The following PCDHGA5 variants were observed in gnomAD, a reference collection of about 807,000 sequenced individuals.
The protein encoded by PCDHGA5 is protocadherin gamma-A5.
PCDHGA5 carries 36 observed loss-of-function variants against 56.7 expected under a neutral mutation model. That is an observed-to-expected ratio of 0.64 (90% confidence interval 0.49 to 0.84). PCDHGA5 has a LOEUF of 0.84. PCDHGA5 is among the 40% of genes least tolerant of loss of function. PCDHGA5 has a pLI of 0.00. For synonymous variants in PCDHGA5, 563 were observed against 520.2 expected (o/e 1.08, Z -1.12); for missense variants, 1,305 against 1,201.5 (o/e 1.09, Z -1.27).
intron 1 of PCDHGA5, among the ~76,000 whole-genome samples, chr5:141,460,117 T>G (rs1454761302): frequency 6.6e-6 from 1 of 151,982 alleles, no homozygotes; most frequent in Non-Finnish European, 1.5e-5. Context: ...ATGATTTTTA[T>G]ATATGTAATA....
intron 1 of PCDHGA5, chr5:141,413,247 CGGGATTCCAT>C: frequency 6.2e-7 from 1 of 1,613,940 alleles, no homozygotes; most frequent in South Asian, 1.1e-5. Flanking sequence ...GCCTTTTCTT[CGGGATTCCAT>C]GGGAGGCTGG....
At position 141,491,422 on chromosome 5, in the gene PCDHGA5, G is replaced by T. The variant is rs1413549196; in HGVS notation, c.2422-3385G>T. 1 of 1,614,112 alleles carries T rather than the reference G, an allele frequency of 6.2e-7. No homozygotes were observed. The stretch of plus-strand genomic sequence containing the variant: ...AAACGCAGACGGGGACGGGGGTGGA[G>T]GGCAGTGCTGCAGGCGCCAGGACTC... On this transcript the variant is annotated intron_variant, in intron 1 of 3. Coordinates refer to ENST00000518069, the MANE Select transcript of PCDHGA5 (RefSeq NM_018918.3). The surrounding 1 kb of genome is among the most constrained non-coding windows in gnomAD (Gnocchi z 6.9).
intron 1 of PCDHGA5, chr5:141,394,966 G>C (rs758463890): frequency 1.9e-6 from 3 of 1,613,768 alleles, no homozygotes; most frequent in Admixed American, 3.3e-5. Context: ...AGGCTGAGGC[G>C]CTGGCACAAG....
intron 1 of PCDHGA5, among the ~76,000 whole-genome samples, chr5:141,482,875 C>T (rs2099573976): frequency 6.6e-6 from 1 of 151,958 alleles, no homozygotes; most frequent in African/African-American, 2.4e-5. Context: ...AGTTTGAAAC[C>T]AGCCTGGCCA....
rs766431596 is a variant in PCDHGA5 at position 141,422,883 on chromosome 5, C to T, written c.2421+56132C>T. The T allele has an allele frequency of 3.7e-6, 6 of 1,614,124 alleles. No homozygotes were observed. The African/African-American group carries it at 4.0e-5, about 11-fold the overall frequency. Reference sequence around the variant, plus strand: ...GCAGCAACGTGTCGCTGAGCCTGTTCGTGCTGGACCAGAACGACAATGCGC... The same window carrying T: ...GCAGCAACGTGTCGCTGAGCCTGTTTGTGCTGGACCAGAACGACAATGCGC... On this transcript the variant is annotated intron_variant, in intron 1 of 3. Transcript: ENST00000518069.
intron 1 of PCDHGA5, among the ~76,000 whole-genome samples, chr5:141,482,782 G>T (rs775083331): frequency 1.6e-4 from 25 of 152,154 alleles, no homozygotes; most frequent in Non-Finnish European, 3.2e-4. Context: ...ACCTTAAACT[G>T]TGTGTGTGGC....
intron 1 of PCDHGA5, chr5:141,430,556 C>A (rs1479639096): frequency 9.7e-6 from 4 of 413,394 alleles, no homozygotes; most frequent in African/African-American, 2.1e-5. Flanking sequence ...GTTCACCAAT[C>A]GGGGAGAGAA....
intron 1 of PCDHGA5, among the ~76,000 whole-genome samples, chr5:141,466,670 G>A (rs994949602): frequency 9.2e-5 from 14 of 152,046 alleles, no homozygotes; most frequent in African/African-American, 2.2e-4. Flanking sequence ...TGATTTCACC[G>A]TTCTTCCACT....
chr5:141,459,573 T>TTC (rs2098970689), intron 1 of PCDHGA5, among the ~76,000 whole-genome samples: 1 of 152,208 alleles, frequency 6.6e-6, no homozygotes, highest in Non-Finnish European at 1.5e-5. Context: ...CAAAACAGAA[T>TTC]TGTTTTGGGG....
chr5:141,494,712 C>T, intron 1 of PCDHGA5, 95 bp from the exon 2 acceptor site: 1 of 1,603,048 alleles, frequency 6.2e-7, no homozygotes, highest in Non-Finnish European at 8.5e-7. Context: ...TCTGTGCCCA[C>T]TCCCCTCCTT....
chr5:141,382,128 C>T (rs1777984217), intron 1 of PCDHGA5, among the ~76,000 whole-genome samples: 3 of 152,026 alleles, frequency 2.0e-5, no homozygotes. Context: ...GCACCTGGCC[C>T]CCCCTCTCAT....
At chr5:141,395,633 G>T (rs1448678453) in intron 1 of PCDHGA5, 1 of 179,296 alleles carries the variant, frequency 5.6e-6, no homozygotes, top group African/African-American at 2.4e-5. Context: ...GAAGTCTAAA[G>T]CCTTGTTATT....
rs751563833 is a variant in PCDHGA5 at position 141,421,382 on chromosome 5, A to T, written c.2421+54631A>T. 5.6e-6 allele frequency: 9 copies of T among 1,613,906 alleles called. No homozygotes were observed. The South Asian group carries it at 8.8e-5, about 16-fold the overall frequency. ...TCCTTCGTGGGCAATATCTCCAAGG[A>T]CCTGGGGCTGGAGCCCCGGGAGCTG... On this transcript the variant is annotated intron_variant, in intron 1 of 3. Transcript: ENST00000518069.
In PCDHGA5 at chr5:141,391,891, A is replaced by C. The variant is rs140956361; in HGVS notation, c.2421+25140A>C. 7.1e-4 allele frequency: 108 copies of C among 152,338 alleles called. No individual in the cohort carries two copies. In the East Asian group the frequency reaches 0.015, roughly 21 times the overall value. 9.4% of individuals were successfully genotyped at this position (152,338 alleles called of 1,614,324 possible). On this transcript the variant is annotated intron_variant, in intron 1 of 3. Coordinates refer to ENST00000518069, the MANE Select transcript of PCDHGA5 (RefSeq NM_018918.3). ...TCATCTCTTTGGTGAAAGGGATGGG[A>C]TGGAGCTTTGCTTTTTATCATATAT... is the stretch of plus-strand genomic sequence containing the variant.
At chr5:141,509,268 G>A (rs2099875959) in intron 3 of PCDHGA5, among the ~76,000 whole-genome samples, 1 of 152,150 alleles carries the variant, frequency 6.6e-6, no homozygotes, top group South Asian at 2.1e-4. Flanking sequence ...AGTCACTCTC[G>A]CTACCCGCTC....
At chr5:141,394,416 A>G (rs1220964310) in intron 1 of PCDHGA5, 1 of 1,614,202 alleles carries the variant, frequency 6.2e-7, no homozygotes. Context: ...GGTAACAGCC[A>G]GCGACAGCGG....
chr5:141,438,764 C>T (rs963627140), intron 1 of PCDHGA5, among the ~76,000 whole-genome samples: 38 of 148,736 alleles, frequency 2.6e-4, no homozygotes, highest in African/African-American at 9.4e-4. Context: ...TGGGTTCAAG[C>T]GATTCTCCTG....
intron 3 of PCDHGA5, among the ~76,000 whole-genome samples, chr5:141,509,952 C>T (rs954730777): frequency 7.2e-5 from 11 of 152,186 alleles, no homozygotes; most frequent in African/African-American, 2.2e-4. Flanking sequence ...CAAATGCTAC[C>T]GGGTATGGCC....
chr5:141,444,325 C>G (rs2098432231), intron 1 of PCDHGA5, among the ~76,000 whole-genome samples: 1 of 151,840 alleles, frequency 6.6e-6, no homozygotes, highest in Non-Finnish European at 1.5e-5. Flanking sequence ...GCATGTGCCA[C>G]CACGCCCAGC....
Sources: allele counts gnomAD v4.1 joint callset (sites outside exome capture counted in the v4.1 genomes callset), GRCh38; gene constraint gnomAD v4.1.1; non-coding constraint Gnocchi (gnomAD v3.1); transcripts MANE v1.5; gene names NCBI Gene and HGNC (gene_info 2026-07-23, HGNC 2026-07-21).